The following PCDHA12 variants were observed in gnomAD, a reference collection of about 807,000 sequenced individuals.
PCDHA12 encodes protocadherin alpha 12, also known as protocadherin alpha-12.
Under a neutral mutation model 60.0 loss-of-function variants are expected in PCDHA12, and 44 were observed. That is an observed-to-expected ratio of 0.73 (90% confidence interval 0.58 to 0.94). The LOEUF is 0.94. Among genes scored for constraint, PCDHA12 ranks in the 40% least tolerant of loss-of-function variants. The pLI is 0.00. For synonymous variants in PCDHA12, 569 were observed against 553.0 expected (o/e 1.03, Z -0.40); for missense variants, 1,276 against 1,239.7 (o/e 1.03, Z -0.44).
At chr5:140,967,680 G>A in intron 1 of PCDHA12, 4 of 1,614,228 alleles carry the variant, frequency 2.5e-6, no homozygotes, top group South Asian at 1.1e-5. Context: ...GACCGGGAGA[G>A]GCAGCTCTTC....
Position 140,929,272 on chromosome 5 carries a change from T to G in PCDHA12, c.2368-49677T>G, listed in dbSNP as rs560527071. Reference sequence around the variant, plus strand: ...TGGGGTAGGACTGAATTTGCCAATATCCTGTATTCAGATTCGGAATAGGAA... The same window carrying G: ...TGGGGTAGGACTGAATTTGCCAATAGCCTGTATTCAGATTCGGAATAGGAA... On this transcript the variant is annotated intron_variant, in intron 1 of 3. Transcript: ENST00000398631. The G allele has an allele frequency of 1.3e-4, 206 of 1,607,152 alleles. 1 individual carries two copies. The South Asian group carries it at 2.1e-3, about 17-fold the overall frequency.
At chr5:140,967,942 A>G in intron 1 of PCDHA12, 1 of 1,614,226 alleles carries the variant, frequency 6.2e-7, no homozygotes, top group Non-Finnish European at 8.5e-7. Context: ...TCAATGACCA[A>G]GACTCAGGCC....
At position 140,876,665 on chromosome 5, in the gene PCDHA12, T is replaced by C. The variant is rs781830697; in HGVS notation, c.1193T>C (p.Val398Ala). 98 of 1,614,080 alleles carry C rather than the reference T, an allele frequency of 6.1e-5. 1 individual carries two copies. The South Asian group carries it at 9.4e-4, about 16-fold the overall frequency. ...ACACCTCATGTTCCCTTCAAGCTGG[T>C]GTCCACCTACAAGAATTACTACTCG... ...SLTPHVPFKL[V>A]STYKNYYSLV... is the part of the protein sequence containing the mutation. The change falls in exon 1 of 4, where the codon GTG becomes GCG. Residue 398 changes from valine (V) to alanine (A), a missense_variant. Physicochemically the swap from Val to Ala is moderately conservative, Grantham distance 64 (BLOSUM62 0). Coordinates refer to ENST00000398631, the MANE Select transcript of PCDHA12 (RefSeq NM_018903.4).
Position 140,875,724 on chromosome 5 carries a change from G to T in PCDHA12, c.252G>T (p.Leu84Phe). The stretch of plus-strand genomic sequence containing the variant: ...AGGTAAATCTGCAGAATGGCATTTT[G>T]TTTGTGAATTCTCGGATCGACCGCG... Reference protein sequence around the residue: ...LLEVNLQNGILFVNSRIDREK... With the variant: ...LLEVNLQNGIFFVNSRIDREK... The change falls in exon 1 of 4, where the codon TTG (leucine) becomes TTT (phenylalanine). Residue 84 changes from leucine (L) to phenylalanine (F), a missense_variant. Leu to Phe is a conservative substitution (Grantham distance 22). Transcript: ENST00000398631. 1 of 1,614,244 alleles carries T rather than the reference G, an allele frequency of 6.2e-7. No individual in the cohort carries two copies. Among genetic ancestry groups the T allele is most frequent in the Non-Finnish European group, 8.5e-7 (1 of 1,180,046 alleles).
At chr5:140,969,513 A>G (rs2096339726) in intron 1 of PCDHA12, 1 of 1,417,106 alleles carries the variant, frequency 7.1e-7, no homozygotes, top group Non-Finnish European at 9.4e-7. Context: ...ATAGCACTAA[A>G]GAATTGTTTT....
At chr5:140,941,244 T>TTTCG (rs2092953100) in intron 1 of PCDHA12, among the ~76,000 whole-genome samples, 1 of 141,602 alleles carries the variant, frequency 7.1e-6, no homozygotes, top group South Asian at 2.3e-4. Context: ...TCTTTCTTTC[T>TTTCG]TTCTTTCTTT....
At chr5:140,978,570 G>A (rs151127662) in intron 1 of PCDHA12, among the ~76,000 whole-genome samples, 216 of 152,314 alleles carry the variant, frequency 1.4e-3, no homozygotes, top group African/African-American at 4.9e-3. Flanking sequence ...CTGTAATACT[G>A]AATTGGGAAT....
intron 1 of PCDHA12, among the ~76,000 whole-genome samples, chr5:140,886,827 G>GAAAAA (rs782016620): frequency 6.6e-5 from 4 of 60,918 alleles, no homozygotes; most frequent in African/African-American, 6.0e-5. Flanking sequence ...ACTTCGTCTT[G>GAAAAA]AAAAAAAAAA....
intron 3 of PCDHA12, among the ~76,000 whole-genome samples, chr5:141,003,251 C>T (rs1240561091): frequency 6.6e-6 from 1 of 152,176 alleles, no homozygotes; most frequent in Admixed American, 6.5e-5. Flanking sequence ...AAAAAGATTC[C>T]TGGGCAGTGC....
chr5:140,915,681 G>C (rs1261107431), intron 1 of PCDHA12, among the ~76,000 whole-genome samples: 1 of 151,116 alleles, frequency 6.6e-6, no homozygotes, highest in Non-Finnish European at 1.5e-5. Context: ...TCTTGAACTA[G>C]GGGTATGGTG....
chr5:140,909,462 C>T (rs2074519059), intron 1 of PCDHA12, among the ~76,000 whole-genome samples: 1 of 152,212 alleles, frequency 6.6e-6, no homozygotes, highest in Non-Finnish European at 1.5e-5. Flanking sequence ...ATCCATCTGT[C>T]TTCTTCACAG....
chr5:140,900,634 A>G (rs918199903), intron 1 of PCDHA12, among the ~76,000 whole-genome samples: 7 of 152,152 alleles, frequency 4.6e-5, no homozygotes, highest in Non-Finnish European at 1.0e-4. Flanking sequence ...AATCTTGGCT[A>G]TTGTGAACAC....
At chr5:140,957,531 G>A (rs2095365025) in intron 1 of PCDHA12, among the ~76,000 whole-genome samples, 1 of 152,080 alleles carries the variant, frequency 6.6e-6, no homozygotes, top group Non-Finnish European at 1.5e-5. Flanking sequence ...ATTCAGTGGG[G>A]ATCTTAGAAA....
At chr5:140,978,896 G>T in intron 1 of PCDHA12, 53 bp from the exon 2 acceptor site, 1 of 1,612,808 alleles carries the variant, frequency 6.2e-7, no homozygotes, top group South Asian at 1.1e-5. Context: ...CAGCATTCCT[G>T]GGAGAACATT....
chr5:140,928,788 G>A, intron 1 of PCDHA12: 1 of 1,614,214 alleles, frequency 6.2e-7, no homozygotes, highest in South Asian at 1.1e-5. Flanking sequence ...CAGTTAAGCA[G>A]AGGGTGGTGG....
At chr5:140,904,110 T>C (rs556511949) in intron 1 of PCDHA12, among the ~76,000 whole-genome samples, 2 of 152,218 alleles carry the variant, frequency 1.3e-5, no homozygotes, top group Non-Finnish European at 2.9e-5. Context: ...TGGTCATTGC[T>C]GAGATTTTGG....
rs140356413 is a variant in PCDHA12, at chr5:140,945,687, T to C, written c.2368-33262T>C. On this transcript the variant is annotated intron_variant, in intron 1 of 3. Transcript: ENST00000398631. ...CCCAGAAATAAATCCACACAGTTAC[T>C]GTCCACTGATTTGCAACAAAAGTAT... 6.6e-3 allele frequency among the ~76,000 whole-genome samples: 1,005 copies of C among 152,204 alleles called. 10 individuals carry two copies. The highest frequency in any genetic ancestry group is 0.023 in the African/African-American group (952 of 41,538).
intron 1 of PCDHA12, among the ~76,000 whole-genome samples, chr5:140,969,908 TG>T (rs2096368267): frequency 6.6e-6 from 1 of 152,184 alleles, no homozygotes; most frequent in Non-Finnish European, 1.5e-5. Flanking sequence ...ATGTCACAAG[TG>T]ATAAAGCTGT....
chr5:140,884,135 C>A (rs1554181269), intron 1 of PCDHA12: 1 of 1,613,422 alleles, frequency 6.2e-7, no homozygotes. Context: ...CATCCCGTTC[C>A]GCGTGGGGCT....
Sources: gnomAD v4.1 joint callset for allele counts (sites outside exome capture counted in the v4.1 genomes callset) on GRCh38, gnomAD v4.1.1 for gene constraint, MANE v1.5 for transcripts, NCBI Gene and HGNC (gene_info 2026-07-23, HGNC 2026-07-21) for gene names.